The following VWC2L variants were observed in gnomAD, a reference collection of about 807,000 sequenced individuals.
The protein encoded by VWC2L is von Willebrand factor C domain-containing protein 2-like.
VWC2L carries 10 observed loss-of-function variants against 21.6 expected under a neutral mutation model. The observed-to-expected ratio is 0.46, with a 90% CI of 0.29 to 0.78. VWC2L has a LOEUF of 0.78. Among genes scored for constraint, VWC2L ranks in the 30% least tolerant of loss-of-function variants. The pLI is 0.10. For missense variants in VWC2L, 209 were observed against 277.1 expected (o/e 0.75, Z 1.74); for synonymous variants, 96 against 94.3 (o/e 1.02, Z -0.10).
At chr2:214,524,563 C>T (rs539762930) in intron 3 of VWC2L, among the ~76,000 whole-genome samples, 70 of 152,272 alleles carry the variant, frequency 4.6e-4, no homozygotes, top group Non-Finnish European at 9.0e-4. Context: ...ATTCTGCATT[C>T]GTTCCACACG....
chr2:214,573,054 G>A (rs138664526), intron 3 of VWC2L, among the ~76,000 whole-genome samples: 170 of 152,240 alleles, frequency 1.1e-3, no homozygotes, highest in Non-Finnish European at 1.8e-3. Context: ...ACCGTAGTAC[G>A]ATACCAGCAT....
intron 2 of VWC2L, among the ~76,000 whole-genome samples, chr2:214,421,054 G>A (rs886258186): frequency 3.9e-5 from 6 of 152,272 alleles, no homozygotes; most frequent in South Asian, 2.1e-4. Context: ...GAACCTTTAC[G>A]TAATTTTTAT....
chr2:214,458,232 A>T (rs1703086236), intron 3 of VWC2L, among the ~76,000 whole-genome samples: 2 of 151,978 alleles, frequency 1.3e-5, no homozygotes, highest in Non-Finnish European at 2.9e-5. Flanking sequence ...ACAGTTTTTC[A>T]TACAAGTCTT....
intron 3 of VWC2L, among the ~76,000 whole-genome samples, chr2:214,520,172 A>G (rs1486723856): frequency 6.6e-6 from 1 of 152,046 alleles, no homozygotes; most frequent in East Asian, 1.9e-4. Flanking sequence ...CACCACCCAG[A>G]GATAATCATT....
intron 3 of VWC2L, among the ~76,000 whole-genome samples, chr2:214,456,500 T>G (rs1163780485): frequency 6.6e-6 from 1 of 152,166 alleles, no homozygotes; most frequent in Non-Finnish European, 1.5e-5. Context: ...TCACAAATAC[T>G]TTCTCCCATT....
At position 214,480,306 on chromosome 2, in the gene VWC2L, A is replaced by T. The variant is rs114220910; in HGVS notation, c.520+43548A>T. Among the ~76,000 whole-genome samples the T allele has an allele frequency of 8.4e-3, 1,280 of 152,330 alleles. 21 individuals are homozygous for T. Among genetic ancestry groups the T allele is most frequent in the African/African-American group, 0.029 (1,205 of 41,578 alleles). Reference sequence around the variant, plus strand: ...AAAACTAGAAAAAACCTAAAGTCCCAGATGTTTGTGATATGTTTTAAAGTT... The same window carrying T: ...AAAACTAGAAAAAACCTAAAGTCCCTGATGTTTGTGATATGTTTTAAAGTT... On this transcript the variant is annotated intron_variant, in intron 3 of 3. Coordinates refer to ENST00000312504, the MANE Select transcript of VWC2L (RefSeq NM_001080500.4).
At chr2:214,492,065 C>A (rs1160868613) in intron 3 of VWC2L, among the ~76,000 whole-genome samples, 2 of 152,136 alleles carry the variant, frequency 1.3e-5, no homozygotes, top group Non-Finnish European at 2.9e-5. Flanking sequence ...TACTATTGGG[C>A]ACTGTGAATA....
intron 2 of VWC2L, among the ~76,000 whole-genome samples, chr2:214,429,946 T>C (rs1402614061): frequency 6.6e-6 from 1 of 151,946 alleles, no homozygotes; most frequent in African/African-American, 2.4e-5. Flanking sequence ...GCCTCAGCCT[T>C]CCGAGTAGCT....
At chr2:214,417,512 A>G (rs1010415274) in intron 2 of VWC2L, among the ~76,000 whole-genome samples, 3 of 152,184 alleles carry the variant, frequency 2.0e-5, no homozygotes, top group Admixed American at 6.5e-5. Context: ...CCTGTTCTTC[A>G]AGAAGTACTT....
At chr2:214,574,824 G>T (rs575601953) in intron 3 of VWC2L, among the ~76,000 whole-genome samples, 1 of 151,788 alleles carries the variant, frequency 6.6e-6, no homozygotes, top group Non-Finnish European at 1.5e-5. Context: ...ATATTCCTAC[G>T]TTGGGAAGGT....
rs1444753888 is a variant in VWC2L at position 214,578,472 on chromosome 2, A to C, written c.*2652A>C. The C allele has an allele frequency of 1.3e-5, 2 of 152,212 alleles. No homozygotes were observed. Among genetic ancestry groups the C allele is most frequent in the African/African-American group, 2.4e-5 (1 of 41,454 alleles). 9.4% of individuals were successfully genotyped at this position (152,212 alleles called of 1,614,324 possible). ...GTTGTTGTTGGATTTTCTTTTTCTCAAAGTTTCACTGCAGGCTGTTTCCTT... is the reference window on the plus strand; with the variant it reads ...GTTGTTGTTGGATTTTCTTTTTCTCCAAGTTTCACTGCAGGCTGTTTCCTT... On this transcript the variant is annotated 3_prime_UTR_variant, in exon 4 of 4. Transcript: ENST00000312504.
At chr2:214,474,468 ATATT>A (rs1261978626) in intron 3 of VWC2L, among the ~76,000 whole-genome samples, 3 of 152,158 alleles carry the variant, frequency 2.0e-5, no homozygotes, top group African/African-American at 7.2e-5. Flanking sequence ...ATTTTGTCCA[ATATT>A]TATTACAGAA....
intron 3 of VWC2L, among the ~76,000 whole-genome samples, chr2:214,454,711 C>A (rs1322117896): frequency 2.9e-5 from 4 of 139,460 alleles, no homozygotes; most frequent in African/African-American, 1.1e-4. Context: ...TCATGCCATT[C>A]TCCTGCCTCA....
intron 3 of VWC2L, among the ~76,000 whole-genome samples, chr2:214,465,876 A>G (rs1325501760): frequency 1.3e-5 from 2 of 152,052 alleles, no homozygotes. Context: ...CCTCATCTGA[A>G]TTCTTCCCTA....
chr2:214,538,790 C>A (rs1689581580), intron 3 of VWC2L, among the ~76,000 whole-genome samples: 1 of 151,972 alleles, frequency 6.6e-6, no homozygotes, highest in Non-Finnish European at 1.5e-5. Flanking sequence ...CATTTTGATA[C>A]CGTACTTTGT....
chr2:214,496,916 A>G (rs1688821100), intron 3 of VWC2L, among the ~76,000 whole-genome samples: 1 of 152,140 alleles, frequency 6.6e-6, no homozygotes, highest in African/African-American at 2.4e-5. Flanking sequence ...TCATATGTGC[A>G]TGTGTGTATT....
intron 3 of VWC2L, among the ~76,000 whole-genome samples, chr2:214,446,782 G>T (rs943094069): frequency 3.3e-5 from 5 of 152,138 alleles, no homozygotes; most frequent in African/African-American, 1.2e-4. Context: ...ACTGCTTCAA[G>T]TGGTATGCAA....
intron 3 of VWC2L, among the ~76,000 whole-genome samples, chr2:214,539,284 T>G (rs971651465): frequency 1.3e-5 from 2 of 152,126 alleles, no homozygotes; most frequent in African/African-American, 4.8e-5. Context: ...CCTAAAAATG[T>G]TCGATTCAAT....
intron 3 of VWC2L, among the ~76,000 whole-genome samples, chr2:214,546,720 T>C (rs753717469): frequency 1.3e-4 from 20 of 152,114 alleles, no homozygotes; most frequent in Non-Finnish European, 2.4e-4. Flanking sequence ...CTAGTTTTTA[T>C]AGAAAATTGT....
Sources: gnomAD v4.1 joint callset for allele counts (sites outside exome capture counted in the v4.1 genomes callset) on GRCh38, gnomAD v4.1.1 for gene constraint, MANE v1.5 for transcripts, NCBI Gene and HGNC (gene_info 2026-07-23, HGNC 2026-07-21) for gene names.